Variants in SULF1 observed in about 807,000 individuals in gnomAD.
The protein encoded by SULF1 is sulfatase 1.
SULF1 carries 46 observed loss-of-function variants against 110.5 expected under a neutral mutation model. The observed-to-expected ratio is 0.42, with a 90% CI of 0.33 to 0.53. SULF1 has a LOEUF of 0.53. SULF1 is among the 20% of genes least tolerant of loss of function. SULF1 has a pLI of 0.12. For synonymous variants in SULF1, 371 were observed against 387.1 expected (o/e 0.96, Z 0.49); for missense variants, 941 against 1,094.2 (o/e 0.86, Z 1.98).
intron 2 of SULF1, among the ~76,000 whole-genome samples, chr8:69,499,908 C>T (rs937695327): frequency 6.6e-6 from 1 of 152,092 alleles, no homozygotes; most frequent in African/African-American, 2.4e-5. Flanking sequence ...CACCACCACA[C>T]CCAGCTAGTT....
At chr8:69,520,112 TACACACACAC>T (rs34036903) in intron 3 of SULF1, among the ~76,000 whole-genome samples, 3,336 of 137,126 alleles carry the variant, frequency 0.024, 129 homozygotes, top group African/African-American at 0.083. Context: ...AAATTCCAGT[TACACACACAC>T]ACACACACAC....
intron 1 of SULF1, among the ~76,000 whole-genome samples, chr8:69,486,722 C>T (rs1406473312): frequency 6.6e-6 from 1 of 152,126 alleles, no homozygotes; most frequent in Non-Finnish European, 1.5e-5. Context: ...TAAGTACTGG[C>T]CCAAGTGCTC....
At chr8:69,544,776 G>A (rs1814130516) in intron 3 of SULF1, among the ~76,000 whole-genome samples, 1 of 152,152 alleles carries the variant, frequency 6.6e-6, no homozygotes, top group Non-Finnish European at 1.5e-5. Flanking sequence ...CATTCCTGTG[G>A]AGTTGTTTTT....
intron 15 of SULF1, among the ~76,000 whole-genome samples, chr8:69,626,416 C>T (rs893986121): frequency 1.3e-5 from 2 of 152,264 alleles, no homozygotes; most frequent in Non-Finnish European, 2.9e-5. Context: ...GCCCAGCTGG[C>T]TTCACTTAGT....
chr8:69,627,423 AT>A (rs1810172595), intron 16 of SULF1, 117 bp downstream of exon 16: 4 of 645,440 alleles, frequency 6.2e-6, no homozygotes, highest in Non-Finnish European at 7.4e-6. Flanking sequence ...ATGTGAAAAA[AT>A]ACAAAAAAAA....
intron 2 of SULF1, among the ~76,000 whole-genome samples, chr8:69,500,216 G>C (rs984949479): frequency 6.6e-6 from 1 of 152,136 alleles, no homozygotes; most frequent in Non-Finnish European, 1.5e-5. Flanking sequence ...AATGATTGCC[G>C]ATGTTTATTG....
chr8:69,538,788 A>G (rs4737987), intron 3 of SULF1, among the ~76,000 whole-genome samples: 67,178 of 151,804 alleles, frequency 0.44, 14,971 homozygotes, highest in East Asian at 0.49. Context: ...CTCCTCCCAG[A>G]TTCAAGCAAT....
intron 14 of SULF1, among the ~76,000 whole-genome samples, chr8:69,623,504 T>C (rs1447123990): frequency 6.6e-6 from 1 of 152,208 alleles, no homozygotes; most frequent in Non-Finnish European, 1.5e-5. Context: ...AAGTATATAA[T>C]ACATAGCAAA....
chr8:69,504,529 T>C (rs1811046969), intron 3 of SULF1, among the ~76,000 whole-genome samples: 1 of 152,182 alleles, frequency 6.6e-6, no homozygotes, highest in Non-Finnish European at 1.5e-5. Context: ...TACTCCAGCC[T>C]GGGCAACAGA....
At chr8:69,547,976 T>C (rs1180435999) in intron 3 of SULF1, among the ~76,000 whole-genome samples, 3 of 152,106 alleles carry the variant, frequency 2.0e-5, no homozygotes, top group Non-Finnish European at 4.4e-5. Flanking sequence ...CTCAATCTTC[T>C]CTAAGTTCAT....
At chr8:69,597,943 C>A (rs1302771665) in intron 8 of SULF1, among the ~76,000 whole-genome samples, 1 of 152,076 alleles carries the variant, frequency 6.6e-6, no homozygotes, top group African/African-American at 2.4e-5. Flanking sequence ...GCAAAAAACC[C>A]TTTTTGAGGG....
chr8:69,525,299 C>T (rs2150624630), intron 3 of SULF1, among the ~76,000 whole-genome samples: 1 of 152,150 alleles, frequency 6.6e-6, no homozygotes, highest in East Asian at 1.9e-4. Context: ...ACTAAGTCTC[C>T]TAAGTAATTC....
intron 2 of SULF1, among the ~76,000 whole-genome samples, chr8:69,496,977 G>A (rs1038968653): frequency 1.3e-5 from 2 of 152,102 alleles, no homozygotes; most frequent in African/African-American, 4.8e-5. Flanking sequence ...CATGTCAATT[G>A]TGTATGAAGT....
chr8:69,575,433 A>G (rs1168086153), intron 5 of SULF1, among the ~76,000 whole-genome samples: 2 of 152,230 alleles, frequency 1.3e-5, no homozygotes, highest in Non-Finnish European at 1.5e-5. Context: ...AGAGGATACC[A>G]ACTTGCATTG....
At chr8:69,552,130 C>T (rs1450294786) in intron 3 of SULF1, among the ~76,000 whole-genome samples, 1 of 152,150 alleles carries the variant, frequency 6.6e-6, no homozygotes, top group African/African-American at 2.4e-5. Context: ...ATCCCAGAAT[C>T]AAAAATGCTG....
chr8:69,615,242 C>T (rs1809000058), intron 13 of SULF1, among the ~76,000 whole-genome samples: 1 of 152,206 alleles, frequency 6.6e-6, no homozygotes, highest in Admixed American at 6.5e-5. Context: ...TGGCTTGCTT[C>T]ATGAGTTTCA....
chr8:69,484,940 G>T (rs1361030829), intron 1 of SULF1, among the ~76,000 whole-genome samples: 13 of 151,922 alleles, frequency 8.6e-5, no homozygotes, highest in Admixed American at 7.9e-4. Context: ...CTGAGCTCAA[G>T]CTACTGTCCT....
intron 3 of SULF1, among the ~76,000 whole-genome samples, chr8:69,545,876 G>C (rs568159783): frequency 1.3e-5 from 2 of 152,250 alleles, no homozygotes; most frequent in East Asian, 3.9e-4. Context: ...GGTCTTTTTA[G>C]TAGAGACAGG....
intron 6 of SULF1, among the ~76,000 whole-genome samples, chr8:69,577,050 G>T (rs563755891): frequency 1.3e-5 from 2 of 152,158 alleles, no homozygotes; most frequent in African/African-American, 4.8e-5. Flanking sequence ...TTTGCAGAGC[G>T]CCCTACGGGC....
Sources: allele counts gnomAD v4.1 joint callset (sites outside exome capture counted in the v4.1 genomes callset), GRCh38; gene constraint gnomAD v4.1.1; transcripts MANE v1.5; gene names NCBI Gene and HGNC (gene_info 2026-07-23, HGNC 2026-07-21).